The following TRPM6 variants were observed in gnomAD, a reference collection of about 807,000 sequenced individuals.
TRPM6 encodes transient receptor potential cation channel subfamily M member 6, also known as channel kinase 2.
A neutral mutation model predicts 247.6 loss-of-function variants in TRPM6; 111 were observed. That is an observed-to-expected ratio of 0.45 (90% CI 0.38 to 0.52). The LOEUF (loss-of-function observed/expected upper bound fraction) is 0.52. Among genes scored for constraint, TRPM6 ranks in the 20% least tolerant of loss-of-function variants. The pLI, the probability that TRPM6 is intolerant of heterozygous loss-of-function variation, is 0.00. For synonymous variants in TRPM6, 892 were observed against 853.8 expected, an observed-to-expected ratio of 1.04 and a Z score of -0.78; for missense variants, 2,126 against 2,421.5, an observed-to-expected ratio of 0.88 and a Z score of 2.56.
intron 21 of TRPM6, among the ~76,000 whole-genome samples, chr9:74,784,555 C>T (rs985167242): frequency 6.6e-6 from 1 of 152,160 alleles, no homozygotes; most frequent in Non-Finnish European, 1.5e-5. Context: ...AGGGGAGAGT[C>T]AGTGAGTGAT....
chr9:74,838,795 A>G (rs1225891854), intron 5 of TRPM6, among the ~76,000 whole-genome samples: 1 of 152,148 alleles, frequency 6.6e-6, no homozygotes, highest in African/African-American at 2.4e-5. Flanking sequence ...CAAAAGAGAG[A>G]AAAGTAAAGG....
chr9:74,771,779 C>A lies in TRPM6; in HGVS notation c.3460G>T (p.Val1154Leu), dbSNP rs371962660. ...ATCTTCTCATGGAAGTATTTTTCCA[C>A]GCACTGCTCCTCAAAATCATGAAGT... ...KKLHDFEEQC[V>L]EKYFHEKMED... The change falls in exon 25 of 39, where the codon GTG (valine) becomes TTG (leucine). Residue 1154 changes from valine (V) to leucine (L), a missense_variant. Val to Leu is a conservative substitution (Grantham distance 32, BLOSUM62 1). Coordinates refer to ENST00000360774, the MANE Select transcript of TRPM6 (RefSeq NM_017662.5). 1.2e-6 allele frequency: 2 copies of A among 1,613,108 alleles called. No homozygotes were observed.
intron 3 of TRPM6, among the ~76,000 whole-genome samples, chr9:74,853,086 G>C (rs1016318907): frequency 1.2e-4 from 18 of 150,546 alleles, no homozygotes; most frequent in Non-Finnish European, 2.4e-4. Flanking sequence ...TGTGAGGAGC[G>C]CCTCTGCCCG....
chr9:74,728,258 G>A lies in TRPM6; in HGVS notation c.5916C>T (p.Cys1972=). 6.2e-7 allele frequency: 1 copy of A among 1,614,040 alleles called. No homozygotes were observed. Among genetic ancestry groups the A allele is most frequent in the Non-Finnish European group, 8.5e-7 (1 of 1,179,942 alleles). The change falls in exon 38 of 39, where the codon TGC becomes TGT. Residue 1972 remains cysteine (C), a synonymous_variant. Transcript: ENST00000360774. ...GCATACCCGGGAGTTTGAGCTTCCG[G>A]CAGCAGGAGTTACAATGATGTTTTG... ...FIAKHHCNSC[C]RKLKLPDLKR... is the part of the protein sequence containing the mutation.
At chr9:74,813,600 A>T (rs191876643) in intron 11 of TRPM6, among the ~76,000 whole-genome samples, 399 of 152,322 alleles carry the variant, frequency 2.6e-3, no homozygotes, top group African/African-American at 9.3e-3. Context: ...TGGCAGTCAG[A>T]TCACCCTACT....
rs1360298360 is a variant in TRPM6 at position 74,796,757 on chromosome 9, T to G, written c.2375A>C (p.Lys792Thr). The change falls in exon 18 of 39, where the codon AAA (lysine) becomes ACA (threonine). Residue 792 changes from lysine (K) to threonine (T), a missense_variant. Physicochemically the swap from Lys to Thr is moderately conservative, Grantham distance 78 (BLOSUM62 -1). Around this residue, in one of 3 missense-constraint regions of TRPM6, gnomAD observed 1,082 missense variants for 1,307.9 expected, o/e 0.83. Coordinates refer to ENST00000360774, the MANE Select transcript of TRPM6 (RefSeq NM_017662.5). ...TGCACTAACCACAGAAGCACTTTCTTTGGAACTGCTGGCGTTCTGGTCACT... is the reference window on the plus strand; with the variant it reads ...TGCACTAACCACAGAAGCACTTTCTGTGGAACTGCTGGCGTTCTGGTCACT... The part of the protein sequence containing the change: ...YYSDQNASSS[K>T]ESASVKEYDL... 2 of 1,613,932 alleles carry G rather than the reference T, an allele frequency of 1.2e-6. No individual in the cohort carries two copies. The highest frequency in any genetic ancestry group is 1.7e-6 in the Non-Finnish European group (2 of 1,179,940).
intron 36 of TRPM6, among the ~76,000 whole-genome samples, chr9:74,735,863 C>G (rs1825678821): frequency 6.6e-6 from 1 of 152,144 alleles, no homozygotes; most frequent in Non-Finnish European, 1.5e-5. Flanking sequence ...TTGGCACTCC[C>G]TTGGAAGAAA....
intron 19 of TRPM6, 102 bp from the exon 20 acceptor site, chr9:74,788,844 G>A: frequency 7.1e-7 from 1 of 1,411,830 alleles, no homozygotes; most frequent in Non-Finnish European, 9.8e-7. Context: ...ACTTCAACAT[G>A]ATAACACGAA....
chr9:74,858,852 T>G, intron 1 of TRPM6, 104 bp from the exon 2 acceptor site: 2 of 947,574 alleles, frequency 2.1e-6, no homozygotes, highest in Non-Finnish European at 3.3e-6. Context: ...TGAATGCTAA[T>G]TAAAATGCCA....
chr9:74,740,551 G>A (rs7872944), intron 33 of TRPM6, among the ~76,000 whole-genome samples: 16 of 152,264 alleles, frequency 1.1e-4, no homozygotes, highest in East Asian at 1.9e-4. Context: ...GGACCCAAGC[G>A]CAAACACAAA....
At chr9:74,789,180 A>G (rs1460598427) in intron 19 of TRPM6, among the ~76,000 whole-genome samples, 1 of 152,210 alleles carries the variant, frequency 6.6e-6, no homozygotes, top group East Asian at 1.9e-4. Flanking sequence ...GAACTGTGGC[A>G]TTTACCACTG....
intron 24 of TRPM6, among the ~76,000 whole-genome samples, chr9:74,772,742 T>G (rs955836913): frequency 2.0e-5 from 3 of 152,192 alleles, no homozygotes; most frequent in Admixed American, 6.5e-5. Flanking sequence ...GCATGGTGGC[T>G]CACACCTGTA....
rs558534348 is a variant in TRPM6 at position 74,785,983 on chromosome 9, G to A, written c.2810C>T (p.Ala937Val). The change falls in exon 21 of 39, where the codon GCG becomes GTG. Residue 937 changes from alanine to valine, a missense_variant. By Grantham distance (64) the Ala-to-Val change is moderately conservative (BLOSUM62 0). This residue lies in a region of TRPM6 where 1,082 missense variants were observed against 1,307.9 expected (regional missense o/e 0.83). Transcript: ENST00000360774. ...GTCTATGCAGTAGATCAGTCTTCCC[G>A]CTGTGTGAAAAGGAGGGTCACCCCA... ...LRWGDPPFHT[A>V]GRLIYCIDII... 46 of 1,614,064 alleles carry A rather than the reference G, an allele frequency of 2.8e-5. No homozygotes were observed. The highest frequency in any genetic ancestry group is 1.5e-4 in the Admixed American group (9 of 59,996).
chr9:74,824,135 G>T (rs12343362), intron 7 of TRPM6, among the ~76,000 whole-genome samples: 1 of 150,674 alleles, frequency 6.6e-6, no homozygotes, highest in East Asian at 1.9e-4. Flanking sequence ...AAGAGGAAGA[G>T]AATTCAATTT....
chr9:74,878,536 A>G (rs1237995469), intron 1 of TRPM6, among the ~76,000 whole-genome samples: 1 of 152,214 alleles, frequency 6.6e-6, no homozygotes, highest in Non-Finnish European at 1.5e-5. Context: ...TAGCTGAAGA[A>G]ATCATAACGA....
Position 74,724,521 on chromosome 9 carries a change from C to A in TRPM6, c.*92G>T. 6.4e-7 allele frequency: 1 copy of A among 1,569,324 alleles called. No individual in the cohort carries two copies. Among genetic ancestry groups the A allele is most frequent in the Non-Finnish European group, 8.8e-7 (1 of 1,140,954 alleles). ...TCAGAAGGCGTGTCCCAAGGAGACG[C>A]TGATGTAATCAACATCACGTTGATC... is the stretch of plus-strand genomic sequence containing the variant. On this transcript the variant is annotated 3_prime_UTR_variant, in exon 39 of 39. Transcript: ENST00000360774.
chr9:74,838,765 C>T (rs1380069544), intron 5 of TRPM6, among the ~76,000 whole-genome samples: 1 of 151,710 alleles, frequency 6.6e-6, no homozygotes, highest in Non-Finnish European at 1.5e-5. Context: ...ATAGGAGACA[C>T]TGGGCAGGGC....
chr9:74,848,416 G>A (rs952643551), intron 3 of TRPM6, among the ~76,000 whole-genome samples: 5 of 152,178 alleles, frequency 3.3e-5, no homozygotes, highest in Admixed American at 1.3e-4. Flanking sequence ...GGAATGATTC[G>A]TGTCCTAGGT....
At chr9:74,776,156 A>G (rs375906111) in intron 23 of TRPM6, 80 bp from the exon 24 acceptor site, 2 of 1,267,592 alleles carry the variant, frequency 1.6e-6, no homozygotes, top group African/African-American at 2.9e-5. Flanking sequence ...TCCAACATTT[A>G]TGATTGGCTC....
Sources: allele counts gnomAD v4.1 joint callset (sites outside exome capture counted in the v4.1 genomes callset), GRCh38; gene constraint gnomAD v4.1.1; regional missense constraint gnomAD v4.1.1; transcripts MANE v1.5; gene names NCBI Gene and HGNC (gene_info 2026-07-23, HGNC 2026-07-21).